DPYD: variants seen among roughly 807,000 people sequenced by gnomAD.
The protein encoded by DPYD is dihydropyrimidine dehydrogenase, also known as dihydropyrimidine dehydrogenase [NADP(+)].
DPYD carries 109 observed loss-of-function variants against 116.2 expected under a neutral mutation model. The ratio of observed to expected loss-of-function variants is 0.94; its 90% CI spans 0.80 to 1.10. The LOEUF is 1.10. DPYD is among the 50% of genes least tolerant of loss of function. The pLI is 0.00. For missense variants in DPYD, 1,302 were observed against 1,254.5 expected, an observed-to-expected ratio of 1.04 and a Z score of -0.57; for synonymous variants, 440 against 432.0, an observed-to-expected ratio of 1.02 and a Z score of -0.23.
intron 18 of DPYD, among the ~76,000 whole-genome samples, chr1:97,284,378 C>T (rs1665524580): frequency 6.6e-6 from 1 of 151,954 alleles, no homozygotes; most frequent in Admixed American, 6.6e-5. Flanking sequence ...GAAAGTGATA[C>T]TGAAATTTTA....
chr1:97,225,053 C>T (rs913452667), intron 19 of DPYD, among the ~76,000 whole-genome samples: 7 of 149,608 alleles, frequency 4.7e-5, no homozygotes, highest in African/African-American at 1.5e-4. Context: ...ATCTATCTAT[C>T]TATCTGTCTA....
At chr1:97,690,767 C>T (rs907274559) in intron 7 of DPYD, among the ~76,000 whole-genome samples, 1 of 151,916 alleles carries the variant, frequency 6.6e-6, no homozygotes, top group Non-Finnish European at 1.5e-5. Context: ...TAAAGTTGCC[C>T]AAATCTATAC....
intron 8 of DPYD, among the ~76,000 whole-genome samples, chr1:97,676,057 A>C (rs2100909224): frequency 6.6e-6 from 1 of 152,136 alleles, no homozygotes; most frequent in East Asian, 1.9e-4. Flanking sequence ...TACCATCTCC[A>C]TTTTTAAAAA....
chr1:97,766,626 G>A (rs1479200293), intron 3 of DPYD, among the ~76,000 whole-genome samples: 1 of 152,146 alleles, frequency 6.6e-6, no homozygotes, highest in East Asian at 1.9e-4. Flanking sequence ...GAAAGGAAAG[G>A]GGAAGGGTGC....
rs1655993197 is a variant in DPYD at position 97,162,475 on chromosome 1, A to T, written c.2622+30594T>A. On this transcript the variant is annotated intron_variant, in intron 20 of 22. Transcript: ENST00000370192. ...ACTACAAACCACTGCTCAATGAAAT[A>T]AAAGAGGATACAAAGAGATGGAAGA... is the stretch of plus-strand genomic sequence containing the variant. Among the ~76,000 whole-genome samples the T allele has an allele frequency of 2.0e-5, 3 of 152,186 alleles. No individual in the cohort carries two copies. In the South Asian group the frequency reaches 6.2e-4, roughly 32 times the overall value.
At chr1:97,173,321 T>C (rs544947886) in intron 20 of DPYD, among the ~76,000 whole-genome samples, 12 of 143,766 alleles carry the variant, frequency 8.3e-5, no homozygotes, top group Non-Finnish European at 1.5e-4. Flanking sequence ...TGCACACATA[T>C]ATACACATAT....
chr1:97,732,408 G>A (rs912241993), intron 4 of DPYD, among the ~76,000 whole-genome samples: 8 of 150,564 alleles, frequency 5.3e-5, no homozygotes, highest in Non-Finnish European at 8.8e-5. Context: ...CCGGGAGGAG[G>A]AGGTTTCAGT....
chr1:97,897,087 C>A (rs375184288), intron 1 of DPYD, among the ~76,000 whole-genome samples: 1 of 151,780 alleles, frequency 6.6e-6, no homozygotes, highest in African/African-American at 2.4e-5. Flanking sequence ...TCTTGTAATG[C>A]GGGTCTGCTG....
chr1:97,539,919 T>C lies in DPYD; in HGVS notation c.1524+9641A>G, dbSNP rs372068423. Among the ~76,000 whole-genome samples, 19 of 152,222 alleles carry C rather than the reference T, an allele frequency of 1.2e-4. No homozygotes were observed. In the South Asian group the frequency reaches 3.5e-3, roughly 28 times the overall value. ...TCTCCACTTTTTGCAACCAAATCTG[T>C]CTATATGCTAATACTAGAACAAAGT... On this transcript the variant is annotated intron_variant, in intron 12 of 22. Coordinates refer to ENST00000370192, the MANE Select transcript of DPYD (RefSeq NM_000110.4).
chr1:97,087,863 T>A (rs1169731949), intron 21 of DPYD, among the ~76,000 whole-genome samples: 2 of 152,226 alleles, frequency 1.3e-5, no homozygotes, highest in Admixed American at 1.3e-4. Flanking sequence ...CAGTTCTCTC[T>A]AATTATAATT....
intron 20 of DPYD, among the ~76,000 whole-genome samples, chr1:97,156,751 GC>G: frequency 6.6e-6 from 1 of 151,938 alleles, no homozygotes; most frequent in Non-Finnish European, 1.5e-5. Flanking sequence ...ATTTGACCCA[GC>G]CATCCCATTA....
chr1:97,753,484 A>C (rs1248827361), intron 3 of DPYD, among the ~76,000 whole-genome samples: 1 of 152,158 alleles, frequency 6.6e-6, no homozygotes, highest in Admixed American at 6.6e-5. Context: ...TCATCATTTC[A>C]TTTCTGCAAT....
At chr1:97,205,860 C>T (rs1419156079) in intron 19 of DPYD, among the ~76,000 whole-genome samples, 2 of 151,968 alleles carry the variant, frequency 1.3e-5, no homozygotes, top group Non-Finnish European at 2.9e-5. Context: ...ACCCTTGCAT[C>T]TCCTGGAAAC....
chr1:97,120,344 T>C (rs749878104), intron 20 of DPYD, among the ~76,000 whole-genome samples: 2 of 152,164 alleles, frequency 1.3e-5, no homozygotes, highest in Non-Finnish European at 2.9e-5. Flanking sequence ...CAGGACCGAT[T>C]ATCAATTTCC....
At chr1:97,627,553 C>G (rs893481807) in intron 8 of DPYD, among the ~76,000 whole-genome samples, 5 of 152,048 alleles carry the variant, frequency 3.3e-5, no homozygotes, top group African/African-American at 1.2e-4. Context: ...ATGTATGCTT[C>G]TTTTTCATTT....
chr1:97,544,627 C>T (rs1416936902), intron 12 of DPYD, among the ~76,000 whole-genome samples: 6 of 147,548 alleles, frequency 4.1e-5, no homozygotes, highest in Middle Eastern at 3.6e-3. Flanking sequence ...TTTTCCAGTA[C>T]ACATTTATTA....
chr1:97,761,296 C>T (rs536441197), intron 3 of DPYD, among the ~76,000 whole-genome samples: 2 of 151,954 alleles, frequency 1.3e-5, no homozygotes, highest in South Asian at 4.2e-4. Context: ...AAATTTATTA[C>T]AAAGTGAAAA....
chr1:97,291,807 T>C (rs1194692986), intron 18 of DPYD, among the ~76,000 whole-genome samples: 1 of 152,060 alleles, frequency 6.6e-6, no homozygotes, highest in Non-Finnish European at 1.5e-5. Context: ...CTGCACATTG[T>C]GCACATGTAC....
intron 16 of DPYD, chr1:97,322,831 G>A (rs2101113777): frequency 6.6e-6 from 1 of 152,066 alleles, no homozygotes; most frequent in African/African-American, 2.4e-5. Flanking sequence ...TCTGGGGATT[G>A]GGACACCATA....
Sources: gnomAD v4.1 joint callset for allele counts (sites outside exome capture counted in the v4.1 genomes callset) on GRCh38, gnomAD v4.1.1 for gene constraint, MANE v1.5 for transcripts, NCBI Gene and HGNC (gene_info 2026-07-23, HGNC 2026-07-21) for gene names.